Variants in U2SURP observed in about 807,000 individuals in gnomAD.
U2SURP encodes U2 snRNP-associated SURP motif-containing protein.
U2SURP carries 9 observed loss-of-function variants against 144.9 expected under a neutral mutation model. That is an observed-to-expected ratio of 0.06 (90% confidence interval 0.04 to 0.11). The LOEUF is 0.11. U2SURP is among the 10% of genes least tolerant of loss of function. The pLI is 1.00. For synonymous variants in U2SURP, 408 were observed against 396.8 expected, an observed-to-expected ratio of 1.03 and a Z score of -0.33; for missense variants, 724 against 1,226.7, an observed-to-expected ratio of 0.59 and a Z score of 6.12.
At chr3:143,021,325 A>G in intron 8 of U2SURP, 25 bp from the exon 9 acceptor site, 2 of 1,573,350 alleles carry the variant, frequency 1.3e-6, no homozygotes, top group Non-Finnish European at 1.7e-6. Flanking sequence ...AAAACTAATA[A>G]TTGTCTTCTT....
At chr3:143,022,467 A>C (rs761844479) in intron 10 of U2SURP, 30 bp from the exon 11 acceptor site, 2 of 1,437,744 alleles carry the variant, frequency 1.4e-6, no homozygotes, top group South Asian at 3.4e-5. Flanking sequence ...CCTTTTTTGC[A>C]TAATAAAAAT....
intron 23 of U2SURP, among the ~76,000 whole-genome samples, chr3:143,041,760 C>T (rs1180720840): frequency 6.6e-6 from 1 of 151,904 alleles, no homozygotes; most frequent in Admixed American, 6.6e-5. Flanking sequence ...TTCTGCTCAT[C>T]GTAGAATGTC....
At chr3:143,027,606 C>T (rs540275508) in intron 14 of U2SURP, among the ~76,000 whole-genome samples, 98 of 152,130 alleles carry the variant, frequency 6.4e-4, no homozygotes, top group Non-Finnish European at 9.3e-4. Flanking sequence ...TGTATTATAG[C>T]ATGTATCGGG....
chr3:143,033,944 A>G, intron 18 of U2SURP, among the ~76,000 whole-genome samples: 1 of 152,342 alleles, frequency 6.6e-6, no homozygotes, highest in East Asian at 1.9e-4. Context: ...ATATCTAGCT[A>G]TTCATATAAT....
At chr3:143,050,450 T>C (rs941356095) in intron 24 of U2SURP, among the ~76,000 whole-genome samples, 2 of 152,188 alleles carry the variant, frequency 1.3e-5, no homozygotes, top group African/African-American at 4.8e-5. Context: ...TTCTTTGTGT[T>C]TTGATATCTG....
chr3:143,013,090 T>G (rs1211546152), intron 3 of U2SURP, among the ~76,000 whole-genome samples: 2 of 152,112 alleles, frequency 1.3e-5, no homozygotes, highest in Non-Finnish European at 2.9e-5. Flanking sequence ...AAACAAACTT[T>G]TAAATGATTG....
intron 5 of U2SURP, 118 bp from the exon 6 acceptor site, chr3:143,016,724 T>C: frequency 1.2e-6 from 1 of 869,068 alleles, no homozygotes; most frequent in Non-Finnish European, 1.7e-6. Context: ...TTCATATTTG[T>C]TAATAGTGAT....
At chr3:143,033,213 T>C (rs1199796996) in intron 17 of U2SURP, 58 bp from the exon 18 acceptor site, 1 of 1,078,040 alleles carries the variant, frequency 9.3e-7, no homozygotes, top group Non-Finnish European at 1.4e-6. Flanking sequence ...CATAATTAAA[T>C]TATAGCTAAA....
intron 1 of U2SURP, among the ~76,000 whole-genome samples, chr3:143,006,813 G>A (rs1578107707): frequency 6.6e-6 from 1 of 152,314 alleles, no homozygotes; most frequent in Middle Eastern, 3.4e-3. Context: ...ATGCAATTAA[G>A]GTGGTGTTAT....
At chr3:143,001,912 C>G (rs970692316) in intron 1 of U2SURP, among the ~76,000 whole-genome samples, 1 of 152,234 alleles carries the variant, frequency 6.6e-6, no homozygotes. Context: ...AGTGCTTCGG[C>G]CCGCGCTTGG....
intron 23 of U2SURP, among the ~76,000 whole-genome samples, chr3:143,042,117 C>T (rs1934146810): frequency 6.6e-6 from 1 of 152,084 alleles, no homozygotes. Context: ...TGTGTTTCCA[C>T]TAGACTGCTT....
chr3:143,032,439 C>T (rs1933556708), intron 16 of U2SURP, among the ~76,000 whole-genome samples: 4 of 152,152 alleles, frequency 2.6e-5, no homozygotes, highest in Admixed American at 2.6e-4. Flanking sequence ...TAATAGACTT[C>T]CTTCAAAGAA....
chr3:143,008,701 A>G (rs1226441612), intron 1 of U2SURP, among the ~76,000 whole-genome samples: 1 of 152,160 alleles, frequency 6.6e-6, no homozygotes, highest in African/African-American at 2.4e-5. Flanking sequence ...TGTTGCTTTT[A>G]TGATTAGGAT....
chr3:143,007,822 A>G (rs926416704), intron 1 of U2SURP, among the ~76,000 whole-genome samples: 4 of 152,236 alleles, frequency 2.6e-5, no homozygotes, highest in Admixed American at 6.5e-5. Flanking sequence ...CAAAGAATAC[A>G]GTTCAGTTCC....
intron 6 of U2SURP, 71 bp downstream of exon 6, chr3:143,017,046 C>T (rs1936405932): frequency 7.0e-7 from 1 of 1,434,230 alleles, no homozygotes; most frequent in East Asian, 2.6e-5. Flanking sequence ...CCACTGTAAG[C>T]AAGACTTTGG....
At chr3:143,002,710 G>A (rs1242110423) in intron 1 of U2SURP, among the ~76,000 whole-genome samples, 1 of 152,132 alleles carries the variant, frequency 6.6e-6, no homozygotes, top group Non-Finnish European at 1.5e-5. Context: ...ACAGTTCTGA[G>A]AAACATCATA....
intron 1 of U2SURP, chr3:143,002,137 T>C (rs1935566839): frequency 4.5e-6 from 1 of 224,092 alleles, no homozygotes; most frequent in Non-Finnish European, 8.9e-6. Flanking sequence ...GAATAACCTC[T>C]AGGGTCGCCA....
intron 27 of U2SURP, 84 bp downstream of exon 27, chr3:143,055,203 T>C (rs1935082423): frequency 7.9e-7 from 1 of 1,265,606 alleles, no homozygotes; most frequent in Non-Finnish European, 1.1e-6. Flanking sequence ...TTGGTTGGCA[T>C]ACATTTTTTT....
intron 25 of U2SURP, among the ~76,000 whole-genome samples, chr3:143,053,283 C>T (rs561558768): frequency 2.8e-4 from 43 of 152,300 alleles, no homozygotes; most frequent in African/African-American, 1.0e-3. Flanking sequence ...GTCTCAAATT[C>T]TGACCTGACT....
Sources: allele counts gnomAD v4.1 joint callset (sites outside exome capture counted in the v4.1 genomes callset), GRCh38; gene constraint gnomAD v4.1.1; transcripts MANE v1.5; gene names NCBI Gene and HGNC (gene_info 2026-07-23, HGNC 2026-07-21).